WDFY3: variants seen among roughly 807,000 people sequenced by gnomAD.
WDFY3 encodes WD repeat and FYVE domain-containing protein 3.
WDFY3 carries 66 observed loss-of-function variants against 409.6 expected under a neutral mutation model. The ratio of observed to expected loss-of-function variants is 0.16; its 90% CI spans 0.13 to 0.20. The LOEUF (loss-of-function observed/expected upper bound fraction) is 0.20. WDFY3 is among the 10% of genes least tolerant of loss of function. The pLI, the probability that WDFY3 is intolerant of heterozygous loss-of-function variation, is 1.00. For missense variants in WDFY3, 3,031 were observed against 4,298.1 expected, an observed-to-expected ratio of 0.71 and a Z score of 8.24; for synonymous variants, 1,521 against 1,537.1, an observed-to-expected ratio of 0.99 and a Z score of 0.25.
At chr4:84,716,040 T>C (rs979603324) in intron 49 of WDFY3, among the ~76,000 whole-genome samples, 10 of 152,138 alleles carry the variant, frequency 6.6e-5, no homozygotes, top group Non-Finnish European at 1.0e-4. Context: ...ACAAAGATAA[T>C]TACCCAAATT....
At chr4:84,765,393 G>C (rs1403639302) in intron 32 of WDFY3, among the ~76,000 whole-genome samples, 1 of 152,132 alleles carries the variant, frequency 6.6e-6, no homozygotes. Context: ...CTGCAAAATA[G>C]ATATGATAGC....
chr4:84,836,847 G>T lies in WDFY3; in HGVS notation c.576+82C>A. On this transcript the variant is annotated intron_variant, in intron 7 of 67. Transcript: ENST00000295888. ...TAAAATGAAATATGAGTTAAAAAAT[G>T]GAATATGTAAAACATCTATTTAGGA... The T allele has an allele frequency of 3.3e-6, 4 of 1,207,846 alleles. No individual in the cohort carries two copies. In the South Asian group the frequency reaches 1.3e-4, roughly 39 times the overall value. The allele number at this position is 1,207,846 out of a possible 1,614,324, so 74.8% of individuals were successfully genotyped here. A position where few individuals can be genotyped will look rare whatever the true frequency, so the allele number is the denominator to read the frequency against.
chr4:84,808,540 C>T, intron 14 of WDFY3, 123 bp from the exon 15 acceptor site: 2 of 719,112 alleles, frequency 2.8e-6, no homozygotes, highest in African/African-American at 1.8e-5. Flanking sequence ...CTTCCATATT[C>T]AGCAGGAACA....
chr4:84,902,895 T>C (rs1262937907), intron 2 of WDFY3, among the ~76,000 whole-genome samples: 2 of 152,214 alleles, frequency 1.3e-5, no homozygotes, highest in Admixed American at 6.5e-5. Context: ...TTTGACTTAG[T>C]GCCAGAATAT....
intron 47 of WDFY3, among the ~76,000 whole-genome samples, chr4:84,719,987 A>T (rs140440542): frequency 1.5e-3 from 236 of 152,348 alleles, no homozygotes; most frequent in Non-Finnish European, 1.6e-3. Context: ...TTATACCAAG[A>T]TCTAATATAA....
intron 1 of WDFY3, among the ~76,000 whole-genome samples, chr4:84,954,686 T>C (rs1774024969): frequency 6.6e-6 from 1 of 152,238 alleles, no homozygotes; most frequent in African/African-American, 2.4e-5. Flanking sequence ...ACTCAACAAA[T>C]GTTTACTGAA....
At chr4:84,894,668 C>A (rs916510038) in intron 3 of WDFY3, among the ~76,000 whole-genome samples, 2 of 152,096 alleles carry the variant, frequency 1.3e-5, no homozygotes, top group African/African-American at 4.8e-5. Context: ...CGCCTGTATT[C>A]CCAGCTACTC....
chr4:84,770,089 C>T (rs1015925988), intron 30 of WDFY3, among the ~76,000 whole-genome samples: 15 of 151,562 alleles, frequency 9.9e-5, no homozygotes, highest in African/African-American at 3.1e-4. Flanking sequence ...AGTGCAGTGG[C>T]GTGATCTCTG....
intron 56 of WDFY3, among the ~76,000 whole-genome samples, chr4:84,698,292 T>G (rs140775511): frequency 8.3e-6 from 1 of 120,728 alleles, no homozygotes; most frequent in South Asian, 2.4e-4. Flanking sequence ...ATATATATAT[T>G]TTTTTTTTTT....
Position 84,751,426 on chromosome 4 carries a change from A to T in WDFY3, c.5973+57T>A. ...TGTTATAGAACTTGTTTGGTTACTA[A>T]TGTTCTAATTTAAAAAGTAATGCAA... is the stretch of plus-strand genomic sequence containing the variant. On this transcript the variant is annotated intron_variant, in intron 36 of 67. Transcript: ENST00000295888. 1.0e-5 allele frequency: 16 copies of T among 1,545,076 alleles called. No individual in the cohort carries two copies. In the South Asian group the frequency reaches 1.1e-4, roughly 11 times the overall value.
intron 24 of WDFY3, among the ~76,000 whole-genome samples, chr4:84,784,858 GTATATATATATATA>G (rs71670882): frequency 3.7e-4 from 33 of 89,010 alleles, no homozygotes; most frequent in East Asian, 2.9e-3. Flanking sequence ...AAGTGTATAT[GTATATATATATATA>G]TATATATATA....
At chr4:84,730,662 C>G (rs1736436704) in intron 44 of WDFY3, among the ~76,000 whole-genome samples, 1 of 152,144 alleles carries the variant, frequency 6.6e-6, no homozygotes, top group Non-Finnish European at 1.5e-5. Flanking sequence ...TGCATTCAAA[C>G]TGCTCTATAG....
intron 3 of WDFY3, among the ~76,000 whole-genome samples, chr4:84,884,310 T>C (rs1394998266): frequency 6.6e-6 from 1 of 151,404 alleles, no homozygotes; most frequent in African/African-American, 2.4e-5. Flanking sequence ...TTGATCTAGG[T>C]TTTTTTTTAA....
intron 2 of WDFY3, among the ~76,000 whole-genome samples, chr4:84,917,917 C>T (rs1768722768): frequency 1.3e-5 from 2 of 152,016 alleles, no homozygotes; most frequent in Admixed American, 6.6e-5. Context: ...CAGACATCTC[C>T]CCCTATATAT....
At chr4:84,739,169 A>G in intron 39 of WDFY3, 50 bp from the exon 40 acceptor site, 3 of 1,542,366 alleles carry the variant, frequency 1.9e-6, no homozygotes, top group South Asian at 1.1e-5. Context: ...GATTAGCTGA[A>G]GACTACAGTA....
At position 84,699,346 on chromosome 4, in the gene WDFY3, G is replaced by A. The variant is rs181795345; in HGVS notation, c.8597-2523C>T. ...TTTTGTCTGGCTTCTTTCACTTTGC[G>A]TAATGTTTTTGAGGTTCAATCACAT... is the stretch of plus-strand genomic sequence containing the variant. On this transcript the variant is annotated intron_variant, in intron 56 of 67. Transcript: ENST00000295888. Among the ~76,000 whole-genome samples the A allele has an allele frequency of 6.4e-3, 976 of 152,140 alleles. 6 individuals carry two copies. The highest frequency in any genetic ancestry group is 0.022 in the African/African-American group (904 of 41,510).
intron 1 of WDFY3, among the ~76,000 whole-genome samples, chr4:84,947,499 G>A (rs949625415): frequency 5.6e-5 from 8 of 143,700 alleles, no homozygotes; most frequent in African/African-American, 1.6e-4. Flanking sequence ...GCAAAAGAGC[G>A]AGAATCCGTC....
intron 5 of WDFY3, among the ~76,000 whole-genome samples, 193 bp from the exon 6 acceptor site, chr4:84,841,456 T>C (rs572532752): frequency 2.0e-5 from 3 of 152,172 alleles, no homozygotes; most frequent in South Asian, 4.1e-4. Context: ...TACAGAAATG[T>C]AAAAGCCAAC....
Position 84,678,160 on chromosome 4 carries a change from A to G in WDFY3, c.10259+8T>C. On this transcript the variant is annotated splice_region_variant and intron_variant, in intron 66 of 67. Transcript: ENST00000295888. ...GGGAAGCGGAGCTGGAAAAAGCCTG[A>G]CACTTACTTGGAGATGCCCAAGGCA... is the stretch of plus-strand genomic sequence containing the variant. The G allele has an allele frequency of 6.2e-7, 1 of 1,610,202 alleles. No individual in the cohort carries two copies. Among genetic ancestry groups the G allele is most frequent in the Non-Finnish European group, 8.5e-7 (1 of 1,176,526 alleles).
Sources: allele counts gnomAD v4.1 joint callset (sites outside exome capture counted in the v4.1 genomes callset), GRCh38; gene constraint gnomAD v4.1.1; transcripts MANE v1.5; gene names NCBI Gene and HGNC (gene_info 2026-07-23, HGNC 2026-07-21).